Variants in INPP5E observed in about 807,000 individuals in gnomAD.
The protein encoded by INPP5E is phosphatidylinositol polyphosphate 5-phosphatase type IV.
A neutral mutation model predicts 50.5 loss-of-function variants in INPP5E; 34 were observed. That is an observed-to-expected ratio of 0.67 (90% confidence interval 0.51 to 0.90). The LOEUF (loss-of-function observed/expected upper bound fraction) is 0.90, where lower values mean the gene tolerates loss of function less well. Ranked by LOEUF, INPP5E falls within the 40% of genes least tolerant of loss-of-function variation. INPP5E has a pLI of 0.00. For synonymous variants in INPP5E, 447 were observed against 406.0 expected, an observed-to-expected ratio of 1.10 and a Z score of -1.21; for missense variants, 942 against 905.5, an observed-to-expected ratio of 1.04 and a Z score of -0.52.
chr9:136,434,973 C>G lies in INPP5E; in HGVS notation c.813-110G>C, dbSNP rs951664047. 3 of 1,372,020 alleles carry G rather than the reference C, an allele frequency of 2.2e-6. No homozygotes were observed. The Admixed American group carries it at 6.0e-5, about 27-fold the overall frequency. The allele number at this position is 1,372,020 out of a possible 1,614,324, so 85.0% of individuals were successfully genotyped here. ...AACCCATGGAATGTCAGGAGCTGCC[C>G]CCAGCCCCAAGCAAGGACTCTCCTG... On this transcript the variant is annotated intron_variant, in intron 1 of 9. Transcript: ENST00000371712.
chr9:136,434,247 CTG>C, intron 2 of INPP5E, 113 bp from the exon 3 acceptor site: 1 of 773,218 alleles, frequency 1.3e-6, no homozygotes, highest in South Asian at 1.5e-5. Context: ...TGAGGGGAAA[CTG>C]AGGCCAGGGC....
chr9:136,439,206 G>A lies in INPP5E; in HGVS notation c.214C>T (p.Pro72Ser), dbSNP rs753362488. Residue 72 changes from proline (P) to serine (S), a missense_variant, in exon 1 of 10, where the codon CCG (proline) becomes TCG (serine). By Grantham distance (74) the Pro-to-Ser change is moderately conservative. Transcript: ENST00000371712. ...AGTCGAGGCCTGGCGGGGGGCCGCG[G>A]GGCGATGGGTGCTGCTCGGGCTGGC... Reference protein sequence around the residue: ...DPPARAAPIAPRPPARPRLER... With the variant: ...DPPARAAPIASRPPARPRLER... The A allele has an allele frequency of 1.3e-6, 2 of 1,540,290 alleles. No homozygotes were observed. Among genetic ancestry groups the A allele is most frequent in the East Asian group, 4.9e-5 (2 of 41,212 alleles).
intron 1 of INPP5E, chr9:136,437,525 C>G (rs1292497785): frequency 6.6e-6 from 1 of 152,530 alleles, no homozygotes; most frequent in Admixed American, 6.5e-5. Context: ...GAGCGGGAGG[C>G]AGCGGGAGGA....
chr9:136,433,652 G>A (rs1301606009), intron 3 of INPP5E, among the ~76,000 whole-genome samples: 3 of 152,200 alleles, frequency 2.0e-5, no homozygotes, highest in African/African-American at 4.8e-5. Flanking sequence ...GGAGGCCTTG[G>A]GGCCCGGCCC....
At chr9:136,438,498 C>T in intron 1 of INPP5E, 110 bp downstream of exon 1, 1 of 986,692 alleles carries the variant, frequency 1.0e-6, no homozygotes, top group Non-Finnish European at 1.6e-6. Flanking sequence ...TTCGTTCTTT[C>T]CGGTTAGGCA....
At chr9:136,434,920 T>G in intron 1 of INPP5E, 57 bp from the exon 2 acceptor site, 1 of 1,567,534 alleles carries the variant, frequency 6.4e-7, no homozygotes, top group Non-Finnish European at 8.7e-7. Flanking sequence ...CCTGGGGGTC[T>G]GGGCCAGGTC....
intron 1 of INPP5E, chr9:136,438,294 T>A (rs1055638777): frequency 4.2e-6 from 2 of 471,430 alleles, no homozygotes; most frequent in Non-Finnish European, 7.7e-6. Context: ...AAGGGGCGGA[T>A]CGTATACATT....
chr9:136,436,020 A>G (rs1835821879), intron 1 of INPP5E: 1 of 152,196 alleles, frequency 6.6e-6, no homozygotes, highest in African/African-American at 2.4e-5. Flanking sequence ...CCTTCTGGAT[A>G]CGCCGTCTTC....
In INPP5E at chr9:136,433,182, G is replaced by A. The variant is rs121918130; in HGVS notation, c.1132C>T (p.Arg378Cys). 1.9e-5 allele frequency: 25 copies of A among 1,304,334 alleles called. No individual in the cohort carries two copies. Among genetic ancestry groups the A allele is most frequent in the African/African-American group, 7.3e-5 (4 of 54,978 alleles). 80.8% of individuals were successfully genotyped at this position (1,304,334 alleles called of 1,614,324 possible). A position where few individuals can be genotyped will look rare whatever the true frequency, so the allele number is the denominator to read the frequency against. ...GAGCAGAACCAGATGAGGTCCCTGCGGATGAAGAGCGACATGTAGAGCACG... is the reference window on the plus strand; with the variant it reads ...GAGCAGAACCAGATGAGGTCCCTGCAGATGAAGAGCGACATGTAGAGCACG... Reference protein sequence around the residue: ...HGVLYMSLFIRRDLIWFCSEV... With the variant: ...HGVLYMSLFICRDLIWFCSEV... Residue 378 changes from arginine (R) to cysteine (C), a missense_variant, in exon 4 of 10, where the codon CGC becomes TGC. Arg to Cys is a radical substitution (Grantham distance 180, BLOSUM62 -3). Transcript: ENST00000371712.
Position 136,430,288 on chromosome 9 carries a change from C to T in INPP5E, c.1791G>A (p.Pro597=), listed in dbSNP as rs10870182. 0.13 allele frequency: 209,147 copies of T among 1,551,346 alleles called. 15,270 individuals carry two copies. Among genetic ancestry groups the T allele is most frequent in the Admixed American group, 0.24 (12,211 of 50,992 alleles). The change falls in exon 9 of 10, where the codon CCG becomes CCA. Residue 597 remains proline (P), a synonymous_variant. Transcript: ENST00000371712. Reference sequence around the variant, plus strand: ...GGGAGAACACTGACTTGTCTCGCCCCGGCCTCACTTTCACCCGGAAGAGGC... The same window carrying T: ...GGGAGAACACTGACTTGTCTCGCCCTGGCCTCACTTTCACCCGGAAGAGGC... ...VYGLFRVKVR[P]GRDNIPLAAG...
chr9:136,432,331 C>T (rs1345273356), intron 6 of INPP5E, 148 bp downstream of exon 6: 11 of 698,012 alleles, frequency 1.6e-5, no homozygotes, highest in East Asian at 5.4e-5. Flanking sequence ...TAAAGAACCG[C>T]GAGGGGCCAT....
chr9:136,429,880 CGGA>C lies in INPP5E; in HGVS notation c.1803-76_1803-74del. 8 of 1,113,666 alleles carry C rather than the reference CGGA, an allele frequency of 7.2e-6. No individual in the cohort carries two copies. In the South Asian group the frequency reaches 8.8e-5, roughly 12 times the overall value. The allele number at this position is 1,113,666 out of a possible 1,614,324, so 69.0% of individuals were successfully genotyped here. A position where few individuals can be genotyped will look rare whatever the true frequency, so the allele number is the denominator to read the frequency against. Reference sequence around the variant, plus strand: ...GGGGGCGTTAGGAGGGGGCCGGCCCCGGAGGAGGGGGCATTTAAGAGGACACCC... The same window carrying C: ...GGGGGCGTTAGGAGGGGGCCGGCCCCGGAGGGGGCATTTAAGAGGACACCC... On this transcript the variant is annotated intron_variant, in intron 9 of 9. Coordinates refer to ENST00000371712, the MANE Select transcript of INPP5E (RefSeq NM_019892.6).
In INPP5E at chr9:136,438,889, G is replaced by T. The variant is rs58206296; in HGVS notation, c.531C>A (p.Ala177=). 1.9e-3 allele frequency: 2,961 copies of T among 1,586,182 alleles called. 42 individuals carry two copies. In the African/African-American group the frequency reaches 0.035, roughly 19 times the overall value. ...SSPNLPHRDA[A]VAGSSPRLPS... Reference sequence around the variant, plus strand: ...GCAGCCTGGGCGAGCTCCCCGCCACGGCGGCGTCTCTGTGCGGGAGGTTCG... The same window carrying T: ...GCAGCCTGGGCGAGCTCCCCGCCACTGCGGCGTCTCTGTGCGGGAGGTTCG... The change falls in exon 1 of 10, where the codon GCC becomes GCA. Residue 177 remains alanine (A), a synonymous_variant. Transcript: ENST00000371712.
chr9:136,433,647 C>G (rs370096800), intron 3 of INPP5E, among the ~76,000 whole-genome samples: 3 of 152,224 alleles, frequency 2.0e-5, no homozygotes, highest in Non-Finnish European at 2.9e-5. Context: ...GCCCGGGAGG[C>G]CTTGGGGCCC....
Position 136,439,204 on chromosome 9 carries a change from C to T in INPP5E, c.216G>A (p.Pro72=). ...CCAGTCGAGGCCTGGCGGGGGGCCG[C>T]GGGGCGATGGGTGCTGCTCGGGCTG... is the stretch of plus-strand genomic sequence containing the variant. The part of the protein sequence containing the change: ...DPPARAAPIA[P]RPPARPRLER... Residue 72 remains proline (P), a synonymous_variant, in exon 1 of 10, where the codon CCG becomes CCA. Coordinates refer to ENST00000371712, the MANE Select transcript of INPP5E (RefSeq NM_019892.6). 3 of 1,540,698 alleles carry T rather than the reference C, an allele frequency of 1.9e-6. No homozygotes were observed. The South Asian group carries it at 3.6e-5, about 18-fold the overall frequency.
chr9:136,434,189 G>GCAGGTT, intron 2 of INPP5E, 55 bp from the exon 3 acceptor site: 2 of 1,273,768 alleles, frequency 1.6e-6, no homozygotes, highest in Non-Finnish European at 1.1e-6. Flanking sequence ...GCAGGCGCCT[G>GCAGGTT]TGGGTGAATC....
intron 8 of INPP5E, 35 bp downstream of exon 8, chr9:136,430,967 A>C (rs1835685100): frequency 1.4e-6 from 2 of 1,432,282 alleles, no homozygotes; most frequent in East Asian, 4.6e-5. Flanking sequence ...CCTGCCCTGG[A>C]AGCACTCTGC....
rs1455030345 is a variant in INPP5E, at chr9:136,439,013, G to A, written c.407C>T (p.Ser136Phe). The A allele has an allele frequency of 6.3e-7, 1 of 1,587,368 alleles. No individual in the cohort carries two copies. Among genetic ancestry groups the A allele is most frequent in the Admixed American group, 1.8e-5 (1 of 55,768 alleles). ...GCGGGACTTGGGGATTTCCTGCAAG[G>A]AGGTGCTCAGGCAGGGCGGGGAGCA... ...HSCSPPCLSTSLQEIPKSRGV... is the reference protein window; with the variant it reads ...HSCSPPCLSTFLQEIPKSRGV... Residue 136 changes from serine to phenylalanine, a missense_variant, in exon 1 of 10, where the codon TCC becomes TTC. Coordinates refer to ENST00000371712, the MANE Select transcript of INPP5E (RefSeq NM_019892.6).
chr9:136,432,316 C>G (rs973335079), intron 6 of INPP5E, among the ~76,000 whole-genome samples, 163 bp downstream of exon 6: 4 of 152,334 alleles, frequency 2.6e-5, no homozygotes, highest in Middle Eastern at 6.8e-3. Flanking sequence ...CCCCACTAAC[C>G]GTGCTAAAGA....
Sources: allele counts gnomAD v4.1 joint callset (sites outside exome capture counted in the v4.1 genomes callset), GRCh38; gene constraint gnomAD v4.1.1; transcripts MANE v1.5; gene names NCBI Gene and HGNC (gene_info 2026-07-23, HGNC 2026-07-21).